FAM149B1: variants seen among roughly 807,000 people sequenced by gnomAD.
FAM149B1 encodes the protein primary cilium assembly protein FAM149B1.
A neutral mutation model predicts 75.3 loss-of-function variants in FAM149B1; 56 were observed. The observed-to-expected ratio is 0.74, with a 90% confidence interval of 0.60 to 0.93. The LOEUF (loss-of-function observed/expected upper bound fraction) is 0.93. Ranked by LOEUF, FAM149B1 falls within the 40% of genes least tolerant of loss-of-function variation. The pLI is 0.00. For synonymous variants in FAM149B1, 259 were observed against 256.1 expected (o/e 1.01, Z -0.11); for missense variants, 639 against 708.4 (o/e 0.90, Z 1.11).
intron 3 of FAM149B1, among the ~76,000 whole-genome samples, chr10:73,191,703 A>G (rs1241556084): frequency 6.6e-6 from 1 of 152,178 alleles, no homozygotes; most frequent in African/African-American, 2.4e-5. Context: ...CAAGTGAAAG[A>G]TGCAGTATAA....
intron 5 of FAM149B1, among the ~76,000 whole-genome samples, chr10:73,198,821 T>C (rs1172056870): frequency 1.3e-5 from 2 of 151,990 alleles, no homozygotes; most frequent in African/African-American, 4.8e-5. Context: ...ATAATAATAA[T>C]AATTCAATTG....
intron 2 of FAM149B1, among the ~76,000 whole-genome samples, chr10:73,175,283 T>C (rs961378627): frequency 3.3e-5 from 5 of 152,272 alleles, no homozygotes; most frequent in South Asian, 2.1e-4. Context: ...CATGGGAAGA[T>C]TGCTTGAGCC....
intron 3 of FAM149B1, chr10:73,183,526 T>C (rs1212408365): frequency 6.6e-6 from 1 of 152,190 alleles, no homozygotes; most frequent in East Asian, 1.9e-4. Context: ...GTATAAGGAA[T>C]ACTTCTCAAT....
rs2043981216 is a variant in FAM149B1, at chr10:73,244,013, C to T, written c.*2994C>T. 8.9e-7 allele frequency: 1 copy of T among 1,128,088 alleles called. No individual in the cohort carries two copies. Among genetic ancestry groups the T allele is most frequent in the Non-Finnish European group, 1.3e-6 (1 of 768,984 alleles). The allele number at this position is 1,128,088 out of a possible 1,614,324, so 69.9% of individuals were successfully genotyped here. On this transcript the variant is annotated 3_prime_UTR_variant, in exon 14 of 14. Transcript: ENST00000242505. ...CTTTCCCAAAAGCAAATCTATAATT[C>T]TGTTTCAATTTTATGAATATATGAA...
chr10:73,174,102 GTAAA>G (rs1327734569), intron 1 of FAM149B1, among the ~76,000 whole-genome samples: 1 of 152,136 alleles, frequency 6.6e-6, no homozygotes, highest in African/African-American at 2.4e-5. Context: ...TTTTTCAACT[GTAAA>G]TAAAGCTGCT....
intron 3 of FAM149B1, among the ~76,000 whole-genome samples, chr10:73,182,426 G>A (rs538558393): frequency 2.6e-5 from 4 of 152,090 alleles, no homozygotes; most frequent in Non-Finnish European, 5.9e-5. Context: ...TGGCCAGGCT[G>A]GTCTCGAACT....
rs2043980993 is a variant in FAM149B1, at chr10:73,243,985, A to G, written c.*2966A>G. On this transcript the variant is annotated 3_prime_UTR_variant, in exon 14 of 14. Transcript: ENST00000242505. Reference sequence around the variant, plus strand: ...CCACCAGGAAATGCTTAAAATACATACTCTTTCCCAAAAGCAAATCTATAA... The same window carrying G: ...CCACCAGGAAATGCTTAAAATACATGCTCTTTCCCAAAAGCAAATCTATAA... 2 of 1,404,824 alleles carry G rather than the reference A, an allele frequency of 1.4e-6. No homozygotes were observed. The highest frequency in any genetic ancestry group is 4.6e-5 in the East Asian group (2 of 43,700). 87.0% of individuals were successfully genotyped at this position (1,404,824 alleles called of 1,614,324 possible).
Position 73,203,643 on chromosome 10 carries a change from A to ATTTTT in FAM149B1, c.543-4966_543-4962dup, listed in dbSNP as rs200573557. ...AATTATAAACAATTCTGTGATCATA[A>ATTTTT]TTTTTTTTTTTTTTGAGATAGGGTC... On this transcript the variant is annotated intron_variant, in intron 5 of 13. Transcript: ENST00000242505. Among the ~76,000 whole-genome samples, 148 of 145,986 alleles carry ATTTTT rather than the reference A, an allele frequency of 1.0e-3. 2 individuals are homozygous for ATTTTT. Among genetic ancestry groups the ATTTTT allele is most frequent in the African/African-American group, 3.5e-3 (139 of 39,870 alleles).
At chr10:73,205,856 A>G (rs1449562623) in intron 5 of FAM149B1, among the ~76,000 whole-genome samples, 7 of 152,142 alleles carry the variant, frequency 4.6e-5, no homozygotes, top group Non-Finnish European at 1.0e-4. Flanking sequence ...CTGGCTAGGT[A>G]TTTCTTTATA....
chr10:73,203,898 C>T (rs949029820), intron 5 of FAM149B1, among the ~76,000 whole-genome samples: 1 of 152,108 alleles, frequency 6.6e-6, no homozygotes, highest in African/African-American at 2.4e-5. Flanking sequence ...GCCTCAGCCT[C>T]CCAAAGTGCA....
At chr10:73,178,323 C>A (rs1224059629) in intron 3 of FAM149B1, among the ~76,000 whole-genome samples, 1 of 152,160 alleles carries the variant, frequency 6.6e-6, no homozygotes, top group African/African-American at 2.4e-5. Flanking sequence ...GAAACCCTGT[C>A]TCTACTAAAA....
intron 7 of FAM149B1, among the ~76,000 whole-genome samples, chr10:73,216,919 C>A (rs2043309912): frequency 6.6e-6 from 1 of 152,186 alleles, no homozygotes; most frequent in Admixed American, 6.5e-5. Context: ...ACCATCACCC[C>A]CAAAAGTTTA....
Position 73,228,046 on chromosome 10 carries a change from GT to G in FAM149B1, c.899-12del. ...AGATTATCCATGGATAATATATCCT[GT>G]TCCTTTGCCCAGATGATGAGAGTAA... On this transcript the variant is annotated splice_polypyrimidine_tract_variant and intron_variant, in intron 7 of 13. Coordinates refer to ENST00000242505, the MANE Select transcript of FAM149B1 (RefSeq NM_173348.2). 4 of 1,551,262 alleles carry G rather than the reference GT, an allele frequency of 2.6e-6. No homozygotes were observed. The highest frequency in any genetic ancestry group is 3.5e-6 in the Non-Finnish European group (4 of 1,146,542).
chr10:73,217,689 G>A (rs770336126), intron 7 of FAM149B1, among the ~76,000 whole-genome samples: 9 of 152,126 alleles, frequency 5.9e-5, no homozygotes, highest in South Asian at 2.1e-4. Flanking sequence ...ATAATATAAC[G>A]TGATCATGGG....
At chr10:73,168,641 G>A (rs1843561228) in intron 1 of FAM149B1, among the ~76,000 whole-genome samples, 1 of 152,196 alleles carries the variant, frequency 6.6e-6, no homozygotes. Flanking sequence ...AGTGCTTCAG[G>A]TCCCATTGTT....
intron 3 of FAM149B1, among the ~76,000 whole-genome samples, chr10:73,183,118 A>T (rs186356704): frequency 6.6e-6 from 1 of 152,350 alleles, no homozygotes; most frequent in East Asian, 1.9e-4. Context: ...AGCAGAGACG[A>T]GAGTTCAGGG....
At chr10:73,239,460 C>T (rs2043895398) in intron 13 of FAM149B1, 76 bp downstream of exon 13, 1 of 1,005,884 alleles carries the variant, frequency 9.9e-7, no homozygotes. Flanking sequence ...TTTTCCTACA[C>T]CTATTTCCCC....
chr10:73,222,909 CA>C (rs2133386858), intron 7 of FAM149B1, among the ~76,000 whole-genome samples: 1 of 152,214 alleles, frequency 6.6e-6, no homozygotes, highest in African/African-American at 2.4e-5. Context: ...TAGAAAATTA[CA>C]AAGTAAATTT....
chr10:73,179,023 G>A (rs1210412704), intron 3 of FAM149B1, among the ~76,000 whole-genome samples: 1 of 151,720 alleles, frequency 6.6e-6, no homozygotes, highest in Non-Finnish European at 1.5e-5. Context: ...GGAGTGCAGT[G>A]GCACGATCTT....
Sources: gnomAD v4.1 joint callset for allele counts (sites outside exome capture counted in the v4.1 genomes callset) on GRCh38, gnomAD v4.1.1 for gene constraint, MANE v1.5 for transcripts, NCBI Gene and HGNC (gene_info 2026-07-23, HGNC 2026-07-21) for gene names.